WWC1: variants seen among roughly 807,000 people sequenced by gnomAD.
The protein encoded by WWC1 is WW and C2 domain containing 1.
Under a neutral mutation model 138.4 loss-of-function variants are expected in WWC1, and 55 were observed. The observed-to-expected ratio is 0.40, with a 90% CI of 0.32 to 0.50. The LOEUF (loss-of-function observed/expected upper bound fraction) is 0.50, where lower values mean the gene tolerates loss of function less well. WWC1 is among the 20% of genes least tolerant of loss of function. The pLI is 0.72. For missense variants in WWC1, 1,226 were observed against 1,420.4 expected (o/e 0.86, Z 2.20); for synonymous variants, 524 against 564.9 (o/e 0.93, Z 1.03).
intron 1 of WWC1, among the ~76,000 whole-genome samples, chr5:168,357,506 G>T (rs553506436): frequency 6.7e-6 from 1 of 150,102 alleles, no homozygotes. Context: ...GCGCGCGCAC[G>T]CATGCACGTG....
intron 1 of WWC1, among the ~76,000 whole-genome samples, chr5:168,326,362 C>T (rs570935134): frequency 6.6e-6 from 1 of 152,088 alleles, no homozygotes; most frequent in South Asian, 2.1e-4. Context: ...GGATTACAGG[C>T]ATGTGCCACC....
At chr5:168,315,910 C>T (rs1458580861) in intron 1 of WWC1, among the ~76,000 whole-genome samples, 3 of 152,134 alleles carry the variant, frequency 2.0e-5, no homozygotes, top group Non-Finnish European at 4.4e-5. Context: ...TTTGGGACTG[C>T]GGTGTCCCTG....
chr5:168,432,167 C>G (rs1373599122), intron 15 of WWC1, among the ~76,000 whole-genome samples: 1 of 152,086 alleles, frequency 6.6e-6, no homozygotes, highest in East Asian at 1.9e-4. Flanking sequence ...CATCTCTGAT[C>G]CTCATTTTTC....
intron 5 of WWC1, among the ~76,000 whole-genome samples, chr5:168,400,517 C>T (rs2152832047): frequency 6.6e-6 from 1 of 152,282 alleles, no homozygotes; most frequent in Admixed American, 6.5e-5. Flanking sequence ...TTACTCTGTG[C>T]CAGGGAACCC....
chr5:168,338,181 C>T (rs536239637), intron 1 of WWC1, among the ~76,000 whole-genome samples: 1 of 151,230 alleles, frequency 6.6e-6, no homozygotes, highest in Non-Finnish European at 1.5e-5. Flanking sequence ...CGTGGTGGCA[C>T]GCACCTGTAA....
rs534487180 is a variant in WWC1, at chr5:168,442,142, T to C, written c.2433+308T>C. On this transcript the variant is annotated intron_variant, in intron 16 of 22. Coordinates refer to ENST00000265293, the MANE Select transcript of WWC1 (RefSeq NM_015238.3). ...AAGTGGAGAAGAAGGTAAAAAACTG[T>C]GGAAGGAAAAAGATTAACCTTTCTT... 9.2e-5 allele frequency among the ~76,000 whole-genome samples: 14 copies of C among 152,310 alleles called. No individual in the cohort carries two copies. In the South Asian group the frequency reaches 2.1e-3, roughly 23 times the overall value.
chr5:168,454,072 C>A lies in WWC1; in HGVS notation c.2630C>A (p.Pro877His). ...GATGTTTTCACCGAGAAAGCCTCACCTGATATGGATGGGTACCCAGCATTA... is the reference window on the plus strand; with the variant it reads ...GATGTTTTCACCGAGAAAGCCTCACATGATATGGATGGGTACCCAGCATTA... ...EEDVFTEKAS[P>H]DMDGYPALKV... The change falls in exon 18 of 23, where the codon CCT becomes CAT. Residue 877 changes from proline (P) to histidine (H), a missense_variant. Pro to His is a moderately conservative substitution (Grantham distance 77, BLOSUM62 -2). Coordinates refer to ENST00000265293, the MANE Select transcript of WWC1 (RefSeq NM_015238.3). 2 of 1,613,308 alleles carry A rather than the reference C, an allele frequency of 1.2e-6. No individual in the cohort carries two copies. Among genetic ancestry groups the A allele is most frequent in the Non-Finnish European group, 1.7e-6 (2 of 1,179,896 alleles).
At chr5:168,351,346 T>G (rs1336498883) in intron 1 of WWC1, among the ~76,000 whole-genome samples, 1 of 152,082 alleles carries the variant, frequency 6.6e-6, no homozygotes, top group African/African-American at 2.4e-5. Flanking sequence ...CCCTGAGAGA[T>G]CCAATGTTTT....
intron 1 of WWC1, among the ~76,000 whole-genome samples, chr5:168,359,280 C>T (rs148701458): frequency 2.6e-5 from 4 of 152,162 alleles, no homozygotes; most frequent in African/African-American, 9.7e-5. Context: ...TGTTGCACTC[C>T]TGAGCTCAGG....
intron 1 of WWC1, among the ~76,000 whole-genome samples, chr5:168,300,998 T>C (rs1275458084): frequency 6.6e-6 from 1 of 152,236 alleles, no homozygotes; most frequent in African/African-American, 2.4e-5. Flanking sequence ...CTAAGTGCAT[T>C]GTTTGTCTTT....
At chr5:168,433,109 A>G (rs1472215422) in intron 15 of WWC1, among the ~76,000 whole-genome samples, 1 of 152,236 alleles carries the variant, frequency 6.6e-6, no homozygotes, top group Non-Finnish European at 1.5e-5. Flanking sequence ...ACAGTCTTCA[A>G]TTCTTAGTCT....
intron 1 of WWC1, among the ~76,000 whole-genome samples, chr5:168,362,194 C>T (rs377636930): frequency 6.6e-6 from 1 of 152,332 alleles, no homozygotes. Flanking sequence ...TCAAGGAGCA[C>T]TGTGGGGCAG....
At chr5:168,391,074 G>A (rs977404330) in intron 3 of WWC1, among the ~76,000 whole-genome samples, 2 of 152,148 alleles carry the variant, frequency 1.3e-5, no homozygotes, top group African/African-American at 2.4e-5. Context: ...TTTAACCCAC[G>A]TCAGTCAGTC....
rs184249250 is a variant in WWC1, at chr5:168,344,458, C to T, written c.120-26966C>T. Reference sequence around the variant, plus strand: ...TCTGTAGAATGTGAGTGTTACTTTTCTCCTCCAGAATTGTCCTGTGGGTCA... The same window carrying T: ...TCTGTAGAATGTGAGTGTTACTTTTTTCCTCCAGAATTGTCCTGTGGGTCA... On this transcript the variant is annotated intron_variant, in intron 1 of 22. Transcript: ENST00000265293. 8.6e-4 allele frequency among the ~76,000 whole-genome samples: 131 copies of T among 152,324 alleles called. 2 individuals are homozygous for T. Among genetic ancestry groups the T allele is most frequent in the African/African-American group, 3.1e-3 (127 of 41,566 alleles).
chr5:168,319,992 C>T (rs1431324611), intron 1 of WWC1, among the ~76,000 whole-genome samples: 2 of 150,066 alleles, frequency 1.3e-5, no homozygotes, highest in African/African-American at 4.9e-5. Flanking sequence ...TTTTGGTTTG[C>T]ATTTCCCTAG....
chr5:168,369,884 C>T (rs1394770314), intron 1 of WWC1, among the ~76,000 whole-genome samples: 2 of 145,376 alleles, frequency 1.4e-5, no homozygotes, highest in African/African-American at 2.6e-5. Flanking sequence ...ACATTATTCA[C>T]TCATTGTGCA....
At chr5:168,302,127 G>C (rs983150929) in intron 1 of WWC1, among the ~76,000 whole-genome samples, 2 of 152,230 alleles carry the variant, frequency 1.3e-5, no homozygotes, top group African/African-American at 4.8e-5. Context: ...GCAGGAACTG[G>C]AGGTCTCTGG....
In WWC1 at chr5:168,452,764, T is replaced by TTCCTCC. The variant is rs34833216; in HGVS notation, c.2526-1186_2526-1181dup. On this transcript the variant is annotated intron_variant, in intron 17 of 22. Coordinates refer to ENST00000265293, the MANE Select transcript of WWC1 (RefSeq NM_015238.3). The stretch of plus-strand genomic sequence containing the variant: ...CAACTAAACTCTCCTTCTCTCCCTC[T>TTCCTCC]TCCTCCTCCTCCTCCTCCTCCTCTT... Among the ~76,000 whole-genome samples the TTCCTCC allele has an allele frequency of 2.9e-3, 445 of 151,106 alleles. 2 individuals are homozygous for TTCCTCC. Among genetic ancestry groups the TTCCTCC allele is most frequent in the African/African-American group, 8.7e-3 (358 of 41,114 alleles).
chr5:168,376,573 T>C (rs574164826), intron 2 of WWC1, among the ~76,000 whole-genome samples: 1 of 152,272 alleles, frequency 6.6e-6, no homozygotes, highest in African/African-American at 2.4e-5. Flanking sequence ...ATAAATGATT[T>C]CAGCAAAGTT....
Sources: gnomAD v4.1 joint callset for allele counts (sites outside exome capture counted in the v4.1 genomes callset) on GRCh38, gnomAD v4.1.1 for gene constraint, MANE v1.5 for transcripts, NCBI Gene and HGNC (gene_info 2026-07-23, HGNC 2026-07-21) for gene names.